The following CCDC178 variants were observed in gnomAD, a reference collection of about 807,000 sequenced individuals.
The protein encoded by CCDC178 is coiled-coil domain containing 178.
CCDC178 carries 126 observed loss-of-function variants against 117.4 expected under a neutral mutation model. The ratio of observed to expected loss-of-function variants is 1.07; its 90% CI spans 0.93 to 1.24. The LOEUF (loss-of-function observed/expected upper bound fraction) is 1.24, where lower values mean the gene tolerates loss of function less well. CCDC178 is among the 50% of genes most tolerant of loss of function. The pLI, the probability that CCDC178 is intolerant of heterozygous loss-of-function variation, is 0.00. For synonymous variants in CCDC178, 283 were observed against 313.4 expected, an observed-to-expected ratio of 0.90 and a Z score of 1.02; for missense variants, 1,030 against 986.9, an observed-to-expected ratio of 1.04 and a Z score of -0.59.
chr18:33,022,975 T>TA (rs1567938479), intron 21 of CCDC178, among the ~76,000 whole-genome samples: 1 of 151,870 alleles, frequency 6.6e-6, no homozygotes, highest in East Asian at 1.9e-4. Flanking sequence ...TCAAAGAAAA[T>TA]AATCAGACAT....
rs186066431 is a variant in CCDC178, at chr18:33,191,712, C to A, written c.2238+20184G>T. On this transcript the variant is annotated intron_variant, in intron 20 of 22. Transcript: ENST00000383096. ...TATTTATTGGATTTATATGCCTTGTCATCTGTACTTCTGAATAGTAATCAA... is the reference window on the plus strand; with the variant it reads ...TATTTATTGGATTTATATGCCTTGTAATCTGTACTTCTGAATAGTAATCAA... Among the ~76,000 whole-genome samples the A allele has an allele frequency of 1.4e-3, 215 of 152,046 alleles. 3 individuals are homozygous for A. Among genetic ancestry groups the A allele is most frequent in the African/African-American group, 5.0e-3 (208 of 41,496 alleles).
chr18:33,179,265 A>C (rs1428813028), intron 20 of CCDC178, among the ~76,000 whole-genome samples: 1 of 150,186 alleles, frequency 6.7e-6, no homozygotes, highest in Non-Finnish European at 1.5e-5. Flanking sequence ...GTTTTGTAAA[A>C]AATATAGATG....
intron 21 of CCDC178, among the ~76,000 whole-genome samples, chr18:33,037,242 T>C (rs2056461616): frequency 6.6e-6 from 1 of 152,034 alleles, no homozygotes; most frequent in African/African-American, 2.4e-5. Flanking sequence ...TGTTGATTTT[T>C]AAATGAGACA....
chr18:33,249,596 C>A (rs2059592762), intron 14 of CCDC178, among the ~76,000 whole-genome samples: 1 of 152,024 alleles, frequency 6.6e-6, no homozygotes, highest in African/African-American at 2.4e-5. Flanking sequence ...GGTATTATTT[C>A]TGAGGGCTCT....
chr18:33,068,589 T>C (rs775594903), intron 21 of CCDC178, among the ~76,000 whole-genome samples: 18 of 151,826 alleles, frequency 1.2e-4, no homozygotes, highest in Non-Finnish European at 2.4e-4. Flanking sequence ...TCTCAATAGA[T>C]GCAGAAAAAT....
intron 9 of CCDC178, among the ~76,000 whole-genome samples, chr18:33,338,449 T>C (rs1362309246): frequency 6.6e-6 from 1 of 152,114 alleles, no homozygotes; most frequent in African/African-American, 2.4e-5. Context: ...TACTTGCAAA[T>C]GCATGTTTAT....
Position 33,254,329 on chromosome 18 carries a change from C to T in CCDC178, c.1410-8901G>A, listed in dbSNP as rs540126181. ...ACATATAATGAAGGCAATTAAGCAG[C>T]TCAGGCCAGACAGGAAGCAACAAAT... On this transcript the variant is annotated intron_variant, in intron 14 of 22. Coordinates refer to ENST00000383096, the MANE Select transcript of CCDC178 (RefSeq NM_001105528.4). Among the ~76,000 whole-genome samples the T allele has an allele frequency of 4.0e-4, 60 of 150,694 alleles. No homozygotes were observed. The South Asian group carries it at 0.012, about 31-fold the overall frequency.
At chr18:33,152,822 A>G (rs1206442796) in intron 20 of CCDC178, among the ~76,000 whole-genome samples, 1 of 152,156 alleles carries the variant, frequency 6.6e-6, no homozygotes, top group African/African-American at 2.4e-5. Context: ...AAAAGAAGAT[A>G]TAGTTGGTTC....
intron 21 of CCDC178, among the ~76,000 whole-genome samples, chr18:33,031,562 G>A (rs996678762): frequency 5.9e-5 from 9 of 151,902 alleles, no homozygotes; most frequent in African/African-American, 1.9e-4. Context: ...AAACGCACAA[G>A]TATATATTTA....
intron 3 of CCDC178, among the ~76,000 whole-genome samples, chr18:33,411,417 T>G (rs983087904): frequency 3.3e-5 from 5 of 152,160 alleles, no homozygotes; most frequent in African/African-American, 1.2e-4. Context: ...ATTTGGGGTC[T>G]GTAAATAAAA....
rs962189290 is a variant in CCDC178, at chr18:33,211,310, G to A, written c.2238+586C>T. On this transcript the variant is annotated intron_variant, in intron 20 of 22. Transcript: ENST00000383096. ...ACAATTAAATGTAACAAAAACTATT[G>A]CAAAATTTAAAATGGGATAGGAATC... Among the ~76,000 whole-genome samples, 7 of 151,618 alleles carry A rather than the reference G, an allele frequency of 4.6e-5. No homozygotes were observed. In the East Asian group the frequency reaches 1.2e-3, roughly 25 times the overall value.
intron 20 of CCDC178, among the ~76,000 whole-genome samples, chr18:33,204,945 C>T (rs1413985139): frequency 6.6e-6 from 1 of 151,690 alleles, no homozygotes; most frequent in East Asian, 1.9e-4. Flanking sequence ...GACCAGGAAA[C>T]AAGGAGGGAG....
At chr18:33,124,465 C>T (rs2057978047) in intron 20 of CCDC178, among the ~76,000 whole-genome samples, 1 of 152,070 alleles carries the variant, frequency 6.6e-6, no homozygotes, top group Non-Finnish European at 1.5e-5. Flanking sequence ...ATAGCTGATA[C>T]CATACAGTCT....
intron 20 of CCDC178, among the ~76,000 whole-genome samples, chr18:33,131,541 A>G (rs945188159): frequency 6.6e-6 from 1 of 151,856 alleles, no homozygotes. Context: ...TCTTAGAATT[A>G]TGAATATAAT....
chr18:32,998,345 G>A (rs984714531), intron 21 of CCDC178, among the ~76,000 whole-genome samples: 5 of 152,048 alleles, frequency 3.3e-5, no homozygotes, highest in South Asian at 2.1e-4. Flanking sequence ...AGCAAGCCTC[G>A]CCACTGTGGT....
At chr18:33,006,849 C>T (rs1339964251) in intron 21 of CCDC178, among the ~76,000 whole-genome samples, 1 of 152,004 alleles carries the variant, frequency 6.6e-6, no homozygotes, top group African/African-American at 2.4e-5. Context: ...CCCTTACTGA[C>T]AGCCAGCAAG....
At chr18:32,963,557 A>C (rs1598736762) in intron 22 of CCDC178, among the ~76,000 whole-genome samples, 1 of 152,004 alleles carries the variant, frequency 6.6e-6, no homozygotes, top group East Asian at 1.9e-4. Flanking sequence ...TAAAATTGTT[A>C]GTAATTTTCC....
In CCDC178 at chr18:33,440,477, T is replaced by A. The variant is rs1489042357; in HGVS notation, c.-143+176A>T. ...CGCGGGGCAAGGACTCCCCACCGCC[T>A]CTGGAAGGGGTGAAGAACTAGTCGA... On this transcript the variant is annotated intron_variant, in intron 1 of 22. Coordinates refer to ENST00000383096, the MANE Select transcript of CCDC178 (RefSeq NM_001105528.4). 2.0e-5 allele frequency: 3 copies of A among 152,082 alleles called. 1 individual carries two copies. Among genetic ancestry groups the A allele is most frequent in the South Asian group, 4.1e-4 (2 of 4,830 alleles). The allele number at this position is 152,082 out of a possible 1,614,324, so 9.4% of individuals were successfully genotyped here. A position where few individuals can be genotyped will look rare whatever the true frequency, so the allele number is the denominator to read the frequency against.
chr18:33,275,671 GA>G (rs2059940160), intron 12 of CCDC178, among the ~76,000 whole-genome samples: 1 of 107,672 alleles, frequency 9.3e-6, no homozygotes, highest in Admixed American at 9.8e-5. Flanking sequence ...GGGGGGAGGG[GA>G]GGGGAGGGGA....
Sources: allele counts gnomAD v4.1 joint callset (sites outside exome capture counted in the v4.1 genomes callset), GRCh38; gene constraint gnomAD v4.1.1; transcripts MANE v1.5; gene names NCBI Gene and HGNC (gene_info 2026-07-23, HGNC 2026-07-21).